Variants in FLT1 observed in about 807,000 individuals in gnomAD.
FLT1 encodes fms related receptor tyrosine kinase 1, also known as vascular endothelial growth factor receptor 1.
A neutral mutation model predicts 156.3 loss-of-function variants in FLT1; 49 were observed. The ratio of observed to expected loss-of-function variants is 0.31; its 90% CI spans 0.25 to 0.40. The LOEUF (loss-of-function observed/expected upper bound fraction) is 0.40, where lower values mean the gene tolerates loss of function less well. Ranked by LOEUF, FLT1 falls within the 10% of genes least tolerant of loss-of-function variation. FLT1 has a pLI of 1.00. For synonymous variants in FLT1, 594 were observed against 583.8 expected (o/e 1.02, Z -0.25); for missense variants, 1,322 against 1,637.2 (o/e 0.81, Z 3.32).
intron 11 of FLT1, among the ~76,000 whole-genome samples, chr13:28,402,831 C>T (rs1875537570): frequency 6.6e-6 from 1 of 152,008 alleles, no homozygotes; most frequent in Non-Finnish European, 1.5e-5. Flanking sequence ...ACTCTGTCAC[C>T]CAGGCTGGAG....
chr13:28,372,826 G>A (rs1873681133), intron 14 of FLT1, among the ~76,000 whole-genome samples: 1 of 151,494 alleles, frequency 6.6e-6, no homozygotes, highest in South Asian at 2.1e-4. Flanking sequence ...AGCTTGCAGT[G>A]AGCAGAGATC....
At chr13:28,344,481 C>A (rs948426835) in intron 16 of FLT1, among the ~76,000 whole-genome samples, 3 of 152,198 alleles carry the variant, frequency 2.0e-5, no homozygotes, top group African/African-American at 7.2e-5. Flanking sequence ...CCTGACTGCT[C>A]CCTCCAGCAT....
intron 4 of FLT1, among the ~76,000 whole-genome samples, chr13:28,436,970 C>T (rs529740417): frequency 6.6e-6 from 1 of 152,300 alleles, no homozygotes; most frequent in African/African-American, 2.4e-5. Context: ...CAATGTGGCA[C>T]CAGCCTCTGC....
chr13:28,423,428 T>C (rs937891238), intron 10 of FLT1, among the ~76,000 whole-genome samples: 31 of 152,240 alleles, frequency 2.0e-4, no homozygotes, highest in Admixed American at 3.9e-4. Flanking sequence ...TTACTATTCT[T>C]AAAGCACAAC....
At chr13:28,457,683 G>GT (rs1269139024) in intron 3 of FLT1, among the ~76,000 whole-genome samples, 1 of 152,150 alleles carries the variant, frequency 6.6e-6, no homozygotes, top group African/African-American at 2.4e-5. Flanking sequence ...TATCATTGTT[G>GT]AAGTTATGAA....
chr13:28,467,415 C>T, intron 2 of FLT1, 106 bp downstream of exon 2: 1 of 796,112 alleles, frequency 1.3e-6, no homozygotes, highest in Non-Finnish European at 2.1e-6. Flanking sequence ...TTGCACTTTG[C>T]AGATCACAGG....
At chr13:28,332,511 C>T (rs1274185609) in intron 18 of FLT1, among the ~76,000 whole-genome samples, 1 of 152,132 alleles carries the variant, frequency 6.6e-6, no homozygotes, top group Non-Finnish European at 1.5e-5. Flanking sequence ...TACTGGATTG[C>T]CTCCATAAAC....
chr13:28,306,746 C>G lies in FLT1; in HGVS notation c.3747G>C (p.Leu1249=), dbSNP rs761819808. 2.5e-6 allele frequency: 4 copies of G among 1,613,828 alleles called. No homozygotes were observed. The highest frequency in any genetic ancestry group is 3.4e-6 in the Non-Finnish European group (4 of 1,179,754). The change falls in exon 29 of 30, where the codon CTG becomes CTC. Residue 1249 remains leucine, a synonymous_variant. Transcript: ENST00000282397. ...FDDYQGDSST[L]LASPMLKRFT... is the part of the protein sequence containing the mutation. ...AGCGCTTCAGCATGGGAGAGGCCAACAGAGTGCTGCTGTCGCCCTGGTAGT... is the reference window on the plus strand; with the variant it reads ...AGCGCTTCAGCATGGGAGAGGCCAAGAGAGTGCTGCTGTCGCCCTGGTAGT...
chr13:28,388,850 T>G, intron 13 of FLT1: 1 of 1,062,724 alleles, frequency 9.4e-7, no homozygotes, highest in Non-Finnish European at 1.1e-6. Flanking sequence ...CTTAAAATAA[T>G]AACCAGAGGA....
intron 18 of FLT1, among the ~76,000 whole-genome samples, chr13:28,331,556 A>C (rs886474144): frequency 2.0e-5 from 3 of 152,108 alleles, no homozygotes; most frequent in Non-Finnish European, 4.4e-5. Flanking sequence ...TCAGCCTCTC[A>C]AGTAGCTGGG....
In FLT1 at chr13:28,412,317, C is replaced by CTTTCTTTT. The variant is rs370007991; in HGVS notation, c.1437-6424_1437-6423insAAAAGAAA. Among the ~76,000 whole-genome samples the CTTTCTTTT allele has an allele frequency of 7.2e-3, 267 of 37,066 alleles. 2 individuals are homozygous for CTTTCTTTT. The highest frequency in any genetic ancestry group is 0.017 in the African/African-American group (257 of 15,546). 24.3% of individuals were successfully genotyped at this position (37,066 alleles called of 152,430 possible). Reference sequence around the variant, plus strand: ...TTTCTTTTTCTCTTTCTCTTTCTTTCTTTCTTTCTTTCTTTTCTTTCTTTC... The same window carrying CTTTCTTTT: ...TTTCTTTTTCTCTTTCTCTTTCTTTCTTTCTTTTTTTCTTTCTTTCTTTTCTTTCTTTC... On this transcript the variant is annotated intron_variant, in intron 10 of 29. Coordinates refer to ENST00000282397, the MANE Select transcript of FLT1 (RefSeq NM_002019.4).
Position 28,490,893 on chromosome 13 carries a change from C to A in FLT1, c.64+3887G>T, listed in dbSNP as rs561191675. Among the ~76,000 whole-genome samples the A allele has an allele frequency of 2.6e-5, 4 of 152,206 alleles. No homozygotes were observed. The East Asian group carries it at 7.7e-4, about 29-fold the overall frequency. On this transcript the variant is annotated intron_variant, in intron 1 of 29. Transcript: ENST00000282397. ...TGAGATCCAAACCAAGAATTAGACA[C>A]GCCTGGCCTCTACTAACACCAGCAG...
chr13:28,346,408 C>G (rs1872568129), intron 15 of FLT1: 1 of 152,194 alleles, frequency 6.6e-6, no homozygotes, highest in Non-Finnish European at 1.5e-5. Context: ...ATGCCTTTAT[C>G]CTTTAACTTA....
intron 1 of FLT1, among the ~76,000 whole-genome samples, chr13:28,487,350 T>G (rs1033674945): frequency 3.3e-5 from 5 of 152,238 alleles, no homozygotes; most frequent in African/African-American, 1.2e-4. Context: ...GTTTTATATT[T>G]GTGTATAATA....
intron 14 of FLT1, among the ~76,000 whole-genome samples, chr13:28,364,985 G>C (rs1873237590): frequency 6.6e-6 from 1 of 152,032 alleles, no homozygotes; most frequent in Admixed American, 6.5e-5. Flanking sequence ...AGCACAATTG[G>C]AATGTTTATT....
intron 13 of FLT1, chr13:28,387,790 C>T: frequency 2.0e-6 from 2 of 1,019,098 alleles, no homozygotes; most frequent in Non-Finnish European, 2.3e-6. Context: ...AAAAACAAAA[C>T]CCACCCAAAA....
chr13:28,316,524 C>T (rs960269698), intron 25 of FLT1, among the ~76,000 whole-genome samples: 1 of 152,222 alleles, frequency 6.6e-6, no homozygotes, highest in Non-Finnish European at 1.5e-5. Context: ...AAAAAAGTGT[C>T]CAAGACAGGC....
intron 10 of FLT1, among the ~76,000 whole-genome samples, chr13:28,412,385 T>C (rs9551469): frequency 0.15 from 12,186 of 82,732 alleles, 1,724 homozygotes; most frequent in Admixed American, 0.25. Flanking sequence ...TCTTTCTTTC[T>C]TTCTTTCTTT....
At chr13:28,435,313 G>T (rs1025377345) in intron 4 of FLT1, among the ~76,000 whole-genome samples, 10 of 152,294 alleles carry the variant, frequency 6.6e-5, no homozygotes, top group African/African-American at 2.2e-4. Flanking sequence ...GCCTTCTTCT[G>T]ACATCAAGAA....
Sources: gnomAD v4.1 joint callset for allele counts (sites outside exome capture counted in the v4.1 genomes callset) on GRCh38, gnomAD v4.1.1 for gene constraint, MANE v1.5 for transcripts, NCBI Gene and HGNC (gene_info 2026-07-23, HGNC 2026-07-21) for gene names.